CNTNAP5: variants seen among roughly 807,000 people sequenced by gnomAD.
CNTNAP5 encodes contactin associated protein family member 5.
A neutral mutation model predicts 150.2 loss-of-function variants in CNTNAP5; 72 were observed. The ratio of observed to expected loss-of-function variants is 0.48; its 90% confidence interval spans 0.40 to 0.58. CNTNAP5 has a LOEUF of 0.58. Ranked by LOEUF, CNTNAP5 falls within the 20% of genes least tolerant of loss-of-function variation. The pLI is 0.00. For synonymous variants in CNTNAP5, 672 were observed against 619.8 expected (o/e 1.08, Z -1.25); for missense variants, 1,636 against 1,626.2 (o/e 1.01, Z -0.10).
chr2:124,870,603 T>C (rs761646413), intron 21 of CNTNAP5, among the ~76,000 whole-genome samples: 4 of 151,276 alleles, frequency 2.6e-5, no homozygotes, highest in Non-Finnish European at 5.9e-5. Context: ...TGTGATTCTA[T>C]CATATTCTTT....
At chr2:124,515,072 T>A (rs1007170724) in intron 8 of CNTNAP5, among the ~76,000 whole-genome samples, 2 of 152,236 alleles carry the variant, frequency 1.3e-5, no homozygotes, top group Non-Finnish European at 2.9e-5. Context: ...GTTTTCCCTT[T>A]ATGCACTGAT....
At chr2:124,138,319 A>G (rs1256193667) in intron 1 of CNTNAP5, among the ~76,000 whole-genome samples, 1 of 152,214 alleles carries the variant, frequency 6.6e-6, no homozygotes, top group Admixed American at 6.5e-5. Flanking sequence ...ACCTGCTCTT[A>G]AACACATTCG....
intron 3 of CNTNAP5, among the ~76,000 whole-genome samples, chr2:124,407,679 C>A (rs952343006): frequency 1.4e-4 from 22 of 152,234 alleles, no homozygotes; most frequent in Admixed American, 1.2e-3. Context: ...ATAAATAATT[C>A]TTTTTAGGCA....
intron 4 of CNTNAP5, among the ~76,000 whole-genome samples, chr2:124,423,984 AC>A (rs1035500262): frequency 6.6e-6 from 1 of 152,188 alleles, no homozygotes; most frequent in African/African-American, 2.4e-5. Context: ...ACTTTAAAAA[AC>A]ATTATAAATT....
chr2:124,670,027 A>G (rs1387685176), intron 13 of CNTNAP5, among the ~76,000 whole-genome samples: 2 of 152,192 alleles, frequency 1.3e-5, no homozygotes, highest in South Asian at 2.1e-4. Flanking sequence ...CACTACTCAC[A>G]GCGAGACCAG....
intron 3 of CNTNAP5, among the ~76,000 whole-genome samples, chr2:124,353,137 G>T (rs1175480700): frequency 6.6e-6 from 1 of 152,052 alleles, no homozygotes; most frequent in Non-Finnish European, 1.5e-5. Flanking sequence ...GTAGACAAAG[G>T]AAGCACATTT....
intron 5 of CNTNAP5, among the ~76,000 whole-genome samples, chr2:124,446,115 G>C (rs1474426370): frequency 6.6e-6 from 1 of 152,046 alleles, no homozygotes; most frequent in East Asian, 1.9e-4. Flanking sequence ...AAAAGGATGA[G>C]GCAAACCTAG....
In CNTNAP5 at chr2:124,139,774, T is replaced by C. The variant is rs187298544; in HGVS notation, c.83-81931T>C. 1.4e-3 allele frequency among the ~76,000 whole-genome samples: 210 copies of C among 152,218 alleles called. 1 individual carries two copies. The highest frequency in any genetic ancestry group is 4.3e-4 in the Non-Finnish European group (29 of 68,012). On this transcript the variant is annotated intron_variant, in intron 1 of 23. Coordinates refer to ENST00000682447, the MANE Select transcript of CNTNAP5 (RefSeq NM_001367498.1). ...GAAGATTTGATATTTTAAAATATAT[T>C]TGAGGAAGGAGCCAAGATGGCCGAA...
chr2:124,854,096 G>T (rs767092799), intron 19 of CNTNAP5, among the ~76,000 whole-genome samples: 1 of 152,036 alleles, frequency 6.6e-6, no homozygotes, highest in Non-Finnish European at 1.5e-5. Flanking sequence ...CTTTGCTATT[G>T]CGAATAGTAC....
intron 1 of CNTNAP5, among the ~76,000 whole-genome samples, chr2:124,149,916 A>T (rs1684363723): frequency 6.6e-6 from 1 of 152,186 alleles, no homozygotes; most frequent in African/African-American, 2.4e-5. Context: ...GGAGATGAGG[A>T]GATTCTGGCT....
chr2:124,262,443 T>C (rs545541236), intron 3 of CNTNAP5, among the ~76,000 whole-genome samples: 168 of 152,324 alleles, frequency 1.1e-3, no homozygotes, highest in African/African-American at 3.8e-3. Flanking sequence ...GCGTCATCTT[T>C]GCTAACATTG....
intron 1 of CNTNAP5, among the ~76,000 whole-genome samples, chr2:124,051,889 A>C (rs1681706437): frequency 6.6e-6 from 1 of 152,158 alleles, no homozygotes. Context: ...GGTGTCTCAA[A>C]CTATCTGTGA....
chr2:124,077,062 A>T (rs1422762172), intron 1 of CNTNAP5, among the ~76,000 whole-genome samples: 1 of 152,152 alleles, frequency 6.6e-6, no homozygotes, highest in Non-Finnish European at 1.5e-5. Flanking sequence ...TGATACATGT[A>T]AAAGTCACGC....
intron 3 of CNTNAP5, among the ~76,000 whole-genome samples, chr2:124,399,202 A>G (rs943162861): frequency 6.6e-6 from 1 of 152,196 alleles, no homozygotes; most frequent in Non-Finnish European, 1.5e-5. Context: ...AAAAAGTTGA[A>G]AGTCACCTAA....
intron 13 of CNTNAP5, among the ~76,000 whole-genome samples, chr2:124,714,723 A>G (rs1679909550): frequency 6.6e-6 from 1 of 151,408 alleles, no homozygotes; most frequent in South Asian, 2.1e-4. Context: ...TTGTATAATA[A>G]TATTTATGGA....
At chr2:124,044,126 A>G (rs550685672) in intron 1 of CNTNAP5, among the ~76,000 whole-genome samples, 1 of 152,326 alleles carries the variant, frequency 6.6e-6, no homozygotes, top group East Asian at 1.9e-4. Flanking sequence ...GCAATCAATG[A>G]GAAGAATTAC....
rs536511020 is a variant in CNTNAP5 at position 124,076,912 on chromosome 2, A to AG, written c.82+51181dup. 2.1e-3 allele frequency among the ~76,000 whole-genome samples: 319 copies of AG among 152,246 alleles called. 4 individuals carry two copies. In the South Asian group the frequency reaches 0.029, roughly 14 times the overall value. On this transcript the variant is annotated intron_variant, in intron 1 of 23. Transcript: ENST00000682447. ...GACCTATAATCTCCCTATAAAAAACAGCTCCATCATCTGCCATCTCTGTGA... is the reference window on the plus strand; with the variant it reads ...GACCTATAATCTCCCTATAAAAAACAGGCTCCATCATCTGCCATCTCTGTGA...
chr2:124,292,040 A>G (rs1374676405), intron 3 of CNTNAP5, among the ~76,000 whole-genome samples: 1 of 152,180 alleles, frequency 6.6e-6, no homozygotes, highest in Admixed American at 6.5e-5. Context: ...GTGGCCAAGC[A>G]CAATCATATG....
At position 124,510,516 on chromosome 2, in the gene CNTNAP5, T is replaced by TACACACAC. The variant is rs1473390468; in HGVS notation, c.1327+5961_1327+5962insCACACACA. Among the ~76,000 whole-genome samples, 521 of 123,160 alleles carry TACACACAC rather than the reference T, an allele frequency of 4.2e-3. 10 individuals are homozygous for TACACACAC. The highest frequency in any genetic ancestry group is 9.3e-3 in the East Asian group (41 of 4,428). The allele number at this position is 123,160 out of a possible 152,430, so 80.8% of individuals were successfully genotyped here. On this transcript the variant is annotated intron_variant, in intron 8 of 23. Transcript: ENST00000682447. ...ATATATATATATATATATATATATA[T>TACACACAC]ATACATATATCTCCATATATCAACA...
Sources: allele counts gnomAD v4.1 joint callset (sites outside exome capture counted in the v4.1 genomes callset), GRCh38; gene constraint gnomAD v4.1.1; transcripts MANE v1.5; gene names NCBI Gene and HGNC (gene_info 2026-07-23, HGNC 2026-07-21).